Variants in SLC9B1 observed in about 807,000 individuals in gnomAD.
SLC9B1 encodes the protein solute carrier family 9 member B1.
SLC9B1 carries 32 observed loss-of-function variants against 51.7 expected under a neutral mutation model. The ratio of observed to expected loss-of-function variants is 0.62; its 90% CI spans 0.47 to 0.83. The LOEUF (loss-of-function observed/expected upper bound fraction) is 0.83, where lower values mean the gene tolerates loss of function less well. Among genes scored for constraint, SLC9B1 ranks in the 40% least tolerant of loss-of-function variants. SLC9B1 has a pLI of 0.00. For synonymous variants in SLC9B1, 145 were observed against 212.7 expected, an observed-to-expected ratio of 0.68 and a Z score of 2.77; for missense variants, 406 against 613.2, an observed-to-expected ratio of 0.66 and a Z score of 3.57.
At chr4:102,895,098 G>C (rs183226559) in intron 11 of SLC9B1, among the ~76,000 whole-genome samples, 1 of 152,174 alleles carries the variant, frequency 6.6e-6, no homozygotes, top group East Asian at 1.9e-4. Context: ...ACTATTGAGA[G>C]GAACTTTTCT....
chr4:102,986,251 G>GT (rs1443237355), intron 3 of SLC9B1, among the ~76,000 whole-genome samples: 11 of 101,398 alleles, frequency 1.1e-4, no homozygotes, highest in African/African-American at 5.7e-4. Flanking sequence ...TAAGGCTGGT[G>GT]TTGTTTTTTT....
intron 7 of SLC9B1, among the ~76,000 whole-genome samples, chr4:102,918,407 A>G (rs1735696102): frequency 6.6e-6 from 1 of 152,182 alleles, no homozygotes; most frequent in Non-Finnish European, 1.5e-5. Context: ...GGAATCAAAA[A>G]CCTCCCAGCA....
chr4:102,923,024 T>A (rs1735962737), intron 7 of SLC9B1, among the ~76,000 whole-genome samples: 1 of 152,102 alleles, frequency 6.6e-6, no homozygotes. Context: ...TTCCAATCAA[T>A]AGAAAAAGAG....
At chr4:102,887,168 T>C (rs904825581) in intron 11 of SLC9B1, among the ~76,000 whole-genome samples, 2 of 152,210 alleles carry the variant, frequency 1.3e-5, no homozygotes, top group African/African-American at 4.8e-5. Context: ...ACTGTTTAAA[T>C]TGTTAGATTT....
chr4:102,996,109 T>C (rs868660980), intron 1 of SLC9B1, among the ~76,000 whole-genome samples: 18 of 152,184 alleles, frequency 1.2e-4, no homozygotes, highest in Non-Finnish European at 1.5e-4. Flanking sequence ...TTAACTGTTG[T>C]GGTGACATTG....
At chr4:102,983,432 T>C (rs977802182) in intron 3 of SLC9B1, among the ~76,000 whole-genome samples, 3 of 152,200 alleles carry the variant, frequency 2.0e-5, no homozygotes, top group Non-Finnish European at 4.4e-5. Context: ...TTCCTTCTGC[T>C]TATGTCTTCT....
intron 1 of SLC9B1, among the ~76,000 whole-genome samples, chr4:103,012,231 G>T (rs1305936225): frequency 2.6e-5 from 4 of 152,106 alleles, no homozygotes; most frequent in Admixed American, 6.5e-5. Flanking sequence ...TTGCTCACAG[G>T]TTCTGCCTTT....
chr4:102,914,005 G>A (rs1343242616), intron 7 of SLC9B1, among the ~76,000 whole-genome samples: 6 of 151,950 alleles, frequency 3.9e-5, no homozygotes, highest in Admixed American at 2.0e-4. Context: ...CCAGCTGTGC[G>A]GGAGACCAGA....
chr4:103,006,608 A>T (rs1055672030), intron 1 of SLC9B1, among the ~76,000 whole-genome samples: 2 of 152,188 alleles, frequency 1.3e-5, no homozygotes, highest in African/African-American at 4.8e-5. Flanking sequence ...TATTCCAAAA[A>T]ATTGAAGAGG....
intron 7 of SLC9B1, among the ~76,000 whole-genome samples, chr4:102,924,345 G>A (rs1736046966): frequency 6.6e-6 from 1 of 152,158 alleles, no homozygotes; most frequent in Non-Finnish European, 1.5e-5. Context: ...GGGAAAACGG[G>A]CTAGCAATAC....
intron 1 of SLC9B1, among the ~76,000 whole-genome samples, chr4:103,018,615 T>C (rs1741536039): frequency 6.6e-6 from 1 of 152,012 alleles, no homozygotes; most frequent in Admixed American, 6.5e-5. Context: ...GCCAGTTGTC[T>C]CCCCACATCA....
intron 8 of SLC9B1, among the ~76,000 whole-genome samples, chr4:102,911,159 T>C (rs1735316811): frequency 6.6e-6 from 1 of 152,080 alleles, no homozygotes; most frequent in Non-Finnish European, 1.5e-5. Context: ...GGCAGTTTAG[T>C]AGAGAAAGGG....
Position 102,922,781 on chromosome 4 carries a change from T to C in SLC9B1, c.829+9343A>G, listed in dbSNP as rs749125904. Among the ~76,000 whole-genome samples the C allele has an allele frequency of 5.6e-4, 86 of 152,216 alleles. 1 individual carries two copies. Among genetic ancestry groups the C allele is most frequent in the South Asian group, 8.3e-4 (4 of 4,830 alleles). On this transcript the variant is annotated intron_variant, in intron 7 of 11. Coordinates refer to ENST00000296422, the MANE Select transcript of SLC9B1 (RefSeq NM_139173.4). ...CATCAGAGAATACTATAAACACCTC[T>C]ATGCAAATAAACTACAACATCTAGA...
intron 1 of SLC9B1, among the ~76,000 whole-genome samples, chr4:102,997,559 T>G (rs1338019466): frequency 2.0e-5 from 3 of 152,190 alleles, no homozygotes; most frequent in African/African-American, 7.2e-5. Context: ...TAATAGTCTG[T>G]AGATTTGTTT....
chr4:102,905,762 T>C (rs1326440537), intron 10 of SLC9B1, 112 bp from the exon 11 acceptor site: 5 of 909,966 alleles, frequency 5.5e-6, no homozygotes, highest in Non-Finnish European at 8.5e-6. Context: ...CTATTGTCTC[T>C]TCATGTGCTT....
chr4:102,991,626 T>C lies in SLC9B1; in HGVS notation c.69+17A>G, dbSNP rs747621533. ...TGATTTTATATCATATATTACAGTA[T>C]ACTTTTAAGTTTTTACCTGAGGAGT... is the stretch of plus-strand genomic sequence containing the variant. On this transcript the variant is annotated intron_variant, in intron 2 of 11. Coordinates refer to ENST00000296422, the MANE Select transcript of SLC9B1 (RefSeq NM_139173.4). 4.6e-6 allele frequency: 7 copies of C among 1,520,344 alleles called. No individual in the cohort carries two copies. In the South Asian group the frequency reaches 6.1e-5, roughly 13 times the overall value. 94.2% of individuals were successfully genotyped at this position (1,520,344 alleles called of 1,614,324 possible).
intron 3 of SLC9B1, among the ~76,000 whole-genome samples, chr4:102,987,573 TG>T (rs1301298809): frequency 1.3e-5 from 2 of 151,934 alleles, no homozygotes; most frequent in African/African-American, 2.4e-5. Context: ...AATTTTTTTT[TG>T]GGGGGCAGAC....
chr4:102,906,506 T>C (rs748590236), intron 10 of SLC9B1, 30 bp downstream of exon 10: 1 of 1,109,800 alleles, frequency 9.0e-7, no homozygotes, highest in Admixed American at 2.2e-5. Flanking sequence ...TTTTTGAATT[T>C]CATATTTTTT....
At chr4:102,925,594 C>T (rs139372126) in intron 7 of SLC9B1, among the ~76,000 whole-genome samples, 4 of 148,344 alleles carry the variant, frequency 2.7e-5, no homozygotes, top group Admixed American at 1.4e-4. Context: ...CATATCTGTA[C>T]AAAAATTATA....
Sources: gnomAD v4.1 joint callset for allele counts (sites outside exome capture counted in the v4.1 genomes callset) on GRCh38, gnomAD v4.1.1 for gene constraint, MANE v1.5 for transcripts, NCBI Gene and HGNC (gene_info 2026-07-23, HGNC 2026-07-21) for gene names.